SCFD2: variants seen among roughly 807,000 people sequenced by gnomAD.
SCFD2 encodes sec1 family domain containing 2.
SCFD2 carries 54 observed loss-of-function variants against 58.9 expected under a neutral mutation model. The observed-to-expected ratio is 0.92, with a 90% CI of 0.74 to 1.15. SCFD2 has a LOEUF of 1.15. Among genes scored for constraint, SCFD2 ranks in the 50% most tolerant of loss-of-function variants. The pLI is 0.00. For synonymous variants in SCFD2, 321 were observed against 335.9 expected (o/e 0.96, Z 0.49); for missense variants, 805 against 836.6 (o/e 0.96, Z 0.47).
intron 5 of SCFD2, among the ~76,000 whole-genome samples, chr4:52,985,854 T>G (rs563440979): frequency 1.3e-5 from 2 of 151,614 alleles, no homozygotes; most frequent in Non-Finnish European, 2.9e-5. Context: ...AAGCCCTACA[T>G]GTACTAGGAA....
At chr4:53,056,909 CA>C (rs1723356632) in intron 5 of SCFD2, among the ~76,000 whole-genome samples, 1 of 152,080 alleles carries the variant, frequency 6.6e-6, no homozygotes, top group Non-Finnish European at 1.5e-5. Context: ...ACAGGTTGGG[CA>C]CTGTGGCTCA....
rs1577849791 is a variant in SCFD2 at position 53,214,273 on chromosome 4, C to T, written c.1311+59553G>A. Among the ~76,000 whole-genome samples, 4 of 152,238 alleles carry T rather than the reference C, an allele frequency of 2.6e-5. No homozygotes were observed. The South Asian group carries it at 8.3e-4, about 32-fold the overall frequency. ...TTGAACTAGTTTACAATCCCACCAA[C>T]AGTGTAAAAGTGTTGCTATTTCTCC... is the stretch of plus-strand genomic sequence containing the variant. On this transcript the variant is annotated intron_variant, in intron 4 of 8. Transcript: ENST00000401642.
At chr4:53,069,172 G>C (rs73250930) in intron 5 of SCFD2, among the ~76,000 whole-genome samples, 2,135 of 152,112 alleles carry the variant, frequency 0.014, 28 homozygotes, top group Non-Finnish European at 0.021. Context: ...GAATGCCTGG[G>C]CTTGGGTTAA....
chr4:53,183,334 G>A (rs1727636763), intron 4 of SCFD2, among the ~76,000 whole-genome samples: 1 of 152,120 alleles, frequency 6.6e-6, no homozygotes, highest in Non-Finnish European at 1.5e-5. Context: ...AAAAAATGAT[G>A]AGTTCATGTC....
At chr4:53,021,131 G>A (rs1722339329) in intron 5 of SCFD2, among the ~76,000 whole-genome samples, 1 of 152,174 alleles carries the variant, frequency 6.6e-6, no homozygotes, top group African/African-American at 2.4e-5. Context: ...AAGTAAAGCA[G>A]AAACCCATTT....
chr4:52,959,964 CTGTAAGTGAACAA>C (rs1363507346), intron 5 of SCFD2, among the ~76,000 whole-genome samples: 1 of 148,432 alleles, frequency 6.7e-6, no homozygotes, highest in Non-Finnish European at 1.5e-5. Flanking sequence ...TAAAATTAGG[CTGTAAGTGAACAA>C]TGTGAGAGAA....
chr4:53,120,137 C>T (rs1187420263), intron 5 of SCFD2, among the ~76,000 whole-genome samples: 2 of 151,960 alleles, frequency 1.3e-5, no homozygotes, highest in Non-Finnish European at 1.5e-5. Flanking sequence ...ACGCATTTGA[C>T]GAAAACTATA....
At chr4:53,196,659 T>C (rs539987709) in intron 4 of SCFD2, among the ~76,000 whole-genome samples, 2 of 152,260 alleles carry the variant, frequency 1.3e-5, no homozygotes, top group African/African-American at 4.8e-5. Context: ...GATAAGTGGC[T>C]TTTGATTTGT....
At chr4:53,260,557 C>T (rs769130800) in intron 4 of SCFD2, among the ~76,000 whole-genome samples, 1 of 152,048 alleles carries the variant, frequency 6.6e-6, no homozygotes, top group Non-Finnish European at 1.5e-5. Context: ...TTAAACCATC[C>T]CTCCATCCCT....
In SCFD2 at chr4:52,962,873, T is replaced by C. The variant is rs547148287; in HGVS notation, c.1562-42003A>G. On this transcript the variant is annotated intron_variant, in intron 5 of 8. Transcript: ENST00000401642. Reference sequence around the variant, plus strand: ...CAGCTTATCCAATATTTTACTATCATGGTCATTGTGAATCTTTCTTTTCCA... The same window carrying C: ...CAGCTTATCCAATATTTTACTATCACGGTCATTGTGAATCTTTCTTTTCCA... 3.2e-4 allele frequency among the ~76,000 whole-genome samples: 49 copies of C among 152,334 alleles called. No homozygotes were observed. In the Middle Eastern group the frequency reaches 0.01, roughly 32 times the overall value.
intron 5 of SCFD2, among the ~76,000 whole-genome samples, chr4:53,035,327 A>G (rs1304625814): frequency 6.6e-6 from 1 of 152,216 alleles, no homozygotes; most frequent in Non-Finnish European, 1.5e-5. Context: ...AATTAACTCA[A>G]GATGGATCAA....
intron 5 of SCFD2, among the ~76,000 whole-genome samples, chr4:53,009,608 G>A (rs1414443030): frequency 2.0e-5 from 3 of 152,116 alleles, no homozygotes; most frequent in African/African-American, 4.8e-5. Context: ...CTTTCCCTTC[G>A]TTCTCGTAAT....
chr4:52,942,304 T>C (rs533686675), intron 5 of SCFD2, among the ~76,000 whole-genome samples: 12 of 152,228 alleles, frequency 7.9e-5, no homozygotes, highest in African/African-American at 2.6e-4. Context: ...TTGTGGGACA[T>C]AATGGAGAAG....
chr4:52,921,042 C>A (rs1343703648), intron 5 of SCFD2, among the ~76,000 whole-genome samples, 172 bp from the exon 6 acceptor site: 1 of 150,740 alleles, frequency 6.6e-6, no homozygotes, highest in Non-Finnish European at 1.5e-5. Context: ...TGGGCTGTTT[C>A]AATCGTCCAT....
intron 3 of SCFD2, among the ~76,000 whole-genome samples, chr4:53,295,621 C>T (rs1254003035): frequency 6.6e-6 from 1 of 152,080 alleles, no homozygotes; most frequent in Non-Finnish European, 1.5e-5. Flanking sequence ...TAATTGAACA[C>T]CTTTATTTCT....
intron 3 of SCFD2, among the ~76,000 whole-genome samples, chr4:53,293,096 A>C (rs1731899136): frequency 6.6e-6 from 1 of 152,204 alleles, no homozygotes; most frequent in Admixed American, 6.6e-5. Context: ...AATGTAGTAC[A>C]TACACACCAT....
At chr4:53,353,997 A>T (rs35848302) in intron 1 of SCFD2, among the ~76,000 whole-genome samples, 5 of 152,234 alleles carry the variant, frequency 3.3e-5, no homozygotes, top group Non-Finnish European at 5.9e-5. Context: ...TCCCCACCCA[A>T]CTCAAGAGCC....
intron 2 of SCFD2, among the ~76,000 whole-genome samples, chr4:53,342,850 G>A (rs1056493601): frequency 6.6e-6 from 1 of 152,188 alleles, no homozygotes; most frequent in African/African-American, 2.4e-5. Flanking sequence ...ACCTGCTCCT[G>A]AATGAATACT....
At chr4:53,234,665 C>T (rs1482179650) in intron 4 of SCFD2, among the ~76,000 whole-genome samples, 1 of 152,150 alleles carries the variant, frequency 6.6e-6, no homozygotes, top group East Asian at 1.9e-4. Context: ...AATATTCATA[C>T]ACTACTTCCA....
Sources: allele counts gnomAD v4.1 joint callset (sites outside exome capture counted in the v4.1 genomes callset), GRCh38; gene constraint gnomAD v4.1.1; transcripts MANE v1.5; gene names NCBI Gene and HGNC (gene_info 2026-07-23, HGNC 2026-07-21).